Variants in TCF12 observed in about 807,000 individuals in gnomAD.
The protein encoded by TCF12 is DNA-binding protein HTF4.
TCF12 carries 45 observed loss-of-function variants against 86.0 expected under a neutral mutation model. That is an observed-to-expected ratio of 0.52 (90% CI 0.41 to 0.67). The LOEUF is 0.67. Ranked by LOEUF, TCF12 falls within the 30% of genes least tolerant of loss-of-function variation. The probability of loss-of-function intolerance (pLI) is 0.00; values close to 1 mark genes in which losing one functional copy is unlikely to be tolerated. For missense variants in TCF12, 881 were observed against 859.9 expected, an observed-to-expected ratio of 1.02 and a Z score of -0.31; for synonymous variants, 330 against 299.6, an observed-to-expected ratio of 1.10 and a Z score of -1.05.
intron 6 of TCF12, among the ~76,000 whole-genome samples, chr15:57,170,756 A>G (rs1230807346): frequency 2.3e-5 from 1 of 43,854 alleles, no homozygotes; most frequent in Non-Finnish European, 4.2e-5. Context: ...TATATATTAT[A>G]TATTATATAT....
intron 6 of TCF12, among the ~76,000 whole-genome samples, chr15:57,167,308 C>T (rs1250469892): frequency 1.3e-5 from 2 of 152,170 alleles, no homozygotes; most frequent in Non-Finnish European, 2.9e-5. Flanking sequence ...CGCCTGTAAT[C>T]CCAATACTTT....
intron 12 of TCF12, among the ~76,000 whole-genome samples, chr15:57,240,382 G>T (rs1304175557): frequency 6.6e-6 from 1 of 152,188 alleles, no homozygotes; most frequent in Non-Finnish European, 1.5e-5. Flanking sequence ...AACAGAAAAT[G>T]CTGCTTCATG....
intron 5 of TCF12, among the ~76,000 whole-genome samples, chr15:57,139,873 A>G (rs1235473733): frequency 5.3e-5 from 8 of 152,230 alleles, no homozygotes; most frequent in Non-Finnish European, 1.2e-4. Context: ...AAAAAGAGAC[A>G]GTAAACTTCA....
chr15:57,158,682 G>A (rs550475325), intron 5 of TCF12, among the ~76,000 whole-genome samples: 1 of 152,224 alleles, frequency 6.6e-6, no homozygotes, highest in African/African-American at 2.4e-5. Flanking sequence ...GGTTAGAAAA[G>A]TGATTACAAC....
chr15:56,953,725 T>G (rs1478472421), intron 3 of TCF12, among the ~76,000 whole-genome samples: 1 of 152,032 alleles, frequency 6.6e-6, no homozygotes, highest in Non-Finnish European at 1.5e-5. Flanking sequence ...AACATTAACT[T>G]ATTATCCTTT....
chr15:57,186,918 C>T (rs747524712), intron 6 of TCF12, among the ~76,000 whole-genome samples: 1 of 152,174 alleles, frequency 6.6e-6, no homozygotes, highest in African/African-American at 2.4e-5. Context: ...TGGTGGCTCA[C>T]ACCAGTAATT....
intron 3 of TCF12, among the ~76,000 whole-genome samples, chr15:57,026,703 C>T (rs1160881560): frequency 2.6e-5 from 4 of 152,090 alleles, no homozygotes; most frequent in Admixed American, 6.5e-5. Flanking sequence ...ATACATTTTA[C>T]ATAATATGTA....
intron 3 of TCF12, among the ~76,000 whole-genome samples, chr15:56,978,577 C>T (rs1463335291): frequency 6.6e-6 from 1 of 152,172 alleles, no homozygotes; most frequent in African/African-American, 2.4e-5. Flanking sequence ...TGTGGTTACT[C>T]CTCCAGGAGA....
intron 3 of TCF12, among the ~76,000 whole-genome samples, chr15:56,958,632 CAA>C (rs1376776005): frequency 6.6e-6 from 1 of 150,514 alleles, no homozygotes; most frequent in African/African-American, 2.5e-5. Context: ...CAGCATTGGA[CAA>C]TATATACAGT....
At chr15:56,975,001 T>C (rs149803450) in intron 3 of TCF12, among the ~76,000 whole-genome samples, 3 of 152,188 alleles carry the variant, frequency 2.0e-5, no homozygotes, top group African/African-American at 7.2e-5. Context: ...TTTCGAATAG[T>C]GGACCTCCTT....
intron 3 of TCF12, among the ~76,000 whole-genome samples, chr15:56,938,604 C>CT (rs1321191816): frequency 3.4e-5 from 5 of 144,972 alleles, no homozygotes; most frequent in African/African-American, 1.3e-4. Flanking sequence ...CTTTGAACGT[C>CT]TGTTAGAATT....
chr15:56,920,992 C>T, intron 2 of TCF12, 34 bp from the exon 3 acceptor site: 2 of 1,521,378 alleles, frequency 1.3e-6, no homozygotes, highest in Non-Finnish European at 1.8e-6. Context: ...AGAAGAATTT[C>T]AGGACTAACA....
At chr15:56,942,478 G>C (rs774898669) in intron 3 of TCF12, among the ~76,000 whole-genome samples, 19 of 152,086 alleles carry the variant, frequency 1.2e-4, no homozygotes, top group Non-Finnish European at 2.2e-4. Flanking sequence ...AATATTTTCT[G>C]GTATCAAATG....
intron 3 of TCF12, among the ~76,000 whole-genome samples, chr15:57,015,335 T>C (rs1337397479): frequency 1.3e-5 from 2 of 152,176 alleles, no homozygotes; most frequent in East Asian, 3.9e-4. Flanking sequence ...TTTAACATAG[T>C]GCTAAGTCTC....
intron 18 of TCF12, among the ~76,000 whole-genome samples, chr15:57,271,662 C>T (rs1259819447): frequency 6.6e-6 from 1 of 152,198 alleles, no homozygotes; most frequent in Non-Finnish European, 1.5e-5. Flanking sequence ...AATCACCCAT[C>T]TTCTTCTTCG....
At chr15:57,209,552 A>G (rs780665892) in intron 8 of TCF12, among the ~76,000 whole-genome samples, 14 of 152,256 alleles carry the variant, frequency 9.2e-5, no homozygotes, top group Non-Finnish European at 1.9e-4. Flanking sequence ...ATTCTCTTCA[A>G]GAATTTAACC....
intron 12 of TCF12, among the ~76,000 whole-genome samples, chr15:57,235,289 A>G (rs2059334984): frequency 6.6e-6 from 1 of 152,204 alleles, no homozygotes; most frequent in African/African-American, 2.4e-5. Flanking sequence ...TTTAATCCTC[A>G]AGAAAGCCCT....
At chr15:57,168,090 T>C (rs2055031618) in intron 6 of TCF12, among the ~76,000 whole-genome samples, 1 of 152,104 alleles carries the variant, frequency 6.6e-6, no homozygotes, top group Non-Finnish European at 1.5e-5. Context: ...AGCAGAAGGA[T>C]CACTTCAGCT....
In TCF12 at chr15:57,172,668, G is replaced by A. The variant is rs536018138; in HGVS notation, c.390+6202G>A. Among the ~76,000 whole-genome samples, 12 of 152,220 alleles carry A rather than the reference G, an allele frequency of 7.9e-5. No individual in the cohort carries two copies. The East Asian group carries it at 2.1e-3, about 27-fold the overall frequency. ...AGGAGGGAGAGGATCAGAAAAAATA[G>A]CTATTGGGTGCTAGGCTTACTTCTT... On this transcript the variant is annotated intron_variant, in intron 6 of 20. Coordinates refer to ENST00000333725, the MANE Select transcript of TCF12 (RefSeq NM_207037.2).
Sources: allele counts gnomAD v4.1 joint callset (sites outside exome capture counted in the v4.1 genomes callset), GRCh38; gene constraint gnomAD v4.1.1; transcripts MANE v1.5; gene names NCBI Gene and HGNC (gene_info 2026-07-23, HGNC 2026-07-21).